SOX5: variants seen among roughly 807,000 people sequenced by gnomAD.
SOX5 encodes the protein SRY-box transcription factor 5, also known as transcription factor SOX-5.
A neutral mutation model predicts 92.0 loss-of-function variants in SOX5; 9 were observed. That is an observed-to-expected ratio of 0.10 (90% CI 0.06 to 0.17). SOX5 has a LOEUF of 0.17. Among genes scored for constraint, SOX5 ranks in the 10% least tolerant of loss-of-function variants. SOX5 has a pLI of 1.00. For synonymous variants in SOX5, 344 were observed against 336.3 expected (o/e 1.02, Z -0.25); for missense variants, 642 against 944.5 (o/e 0.68, Z 4.20).
intron 3 of SOX5, among the ~76,000 whole-genome samples, chr12:24,214,099 A>G (rs1420314457): frequency 6.6e-6 from 1 of 152,142 alleles, no homozygotes; most frequent in East Asian, 1.9e-4. Flanking sequence ...TTTATGAAAT[A>G]AAATTTATAG....
intron 1 of SOX5, among the ~76,000 whole-genome samples, chr12:23,916,610 T>C (rs1043154534): frequency 2.0e-5 from 3 of 152,122 alleles, no homozygotes. Flanking sequence ...TAAGAAACAA[T>C]AAAGAACTAT....
At chr12:23,582,575 C>T (rs1950196185) in intron 9 of SOX5, among the ~76,000 whole-genome samples, 1 of 152,062 alleles carries the variant, frequency 6.6e-6, no homozygotes, top group African/African-American at 2.4e-5. Context: ...CAGTTGCTTA[C>T]TTTTAGACTT....
chr12:24,043,763 G>C (rs1041939739), intron 4 of SOX5, among the ~76,000 whole-genome samples: 1 of 152,158 alleles, frequency 6.6e-6, no homozygotes, highest in Non-Finnish European at 1.5e-5. Flanking sequence ...GTAAATATAA[G>C]ATATAGCTAC....
chr12:24,019,933 C>T (rs935210765), intron 4 of SOX5, among the ~76,000 whole-genome samples: 5 of 152,162 alleles, frequency 3.3e-5, no homozygotes, highest in African/African-American at 9.7e-5. Flanking sequence ...ATTACTAAAA[C>T]CTCACGTGGA....
At chr12:24,272,974 G>A (rs957102180) in intron 3 of SOX5, among the ~76,000 whole-genome samples, 8 of 152,060 alleles carry the variant, frequency 5.3e-5, no homozygotes, top group Admixed American at 4.6e-4. Flanking sequence ...GGCTCACGCC[G>A]GTAATCCCAG....
chr12:23,953,446 C>T (rs989784088), upstream of SOX5, among the ~76,000 whole-genome samples: 3 of 151,996 alleles, frequency 2.0e-5, no homozygotes, highest in African/African-American at 4.8e-5. Context: ...CAACTAATAC[C>T]GCAATGTGAT....
At chr12:23,700,944 T>C (rs1357207917) in intron 6 of SOX5, among the ~76,000 whole-genome samples, 1 of 151,606 alleles carries the variant, frequency 6.6e-6, no homozygotes, top group African/African-American at 2.4e-5. Flanking sequence ...TATACATGTA[T>C]AAATATATAT....
intron 4 of SOX5, among the ~76,000 whole-genome samples, chr12:24,173,061 A>C (rs1181665256): frequency 6.6e-6 from 1 of 152,230 alleles, no homozygotes; most frequent in Non-Finnish European, 1.5e-5. Flanking sequence ...TAGAGAGATT[A>C]GGAAGTTGAA....
intron 1 of SOX5, among the ~76,000 whole-genome samples, chr12:24,370,956 A>G (rs1956676999): frequency 6.6e-6 from 1 of 152,222 alleles, no homozygotes; most frequent in East Asian, 1.9e-4. Context: ...AACACCCCAA[A>G]GATCCTACTG....
intron 4 of SOX5, among the ~76,000 whole-genome samples, chr12:24,058,600 C>T (rs577086664): frequency 2.4e-4 from 37 of 152,196 alleles, no homozygotes; most frequent in African/African-American, 8.9e-4. Context: ...AGTGTTATTA[C>T]TTTTGCAAAG....
In SOX5 at chr12:23,533,537, T is replaced by TA. The variant is rs750029215; in HGVS notation, c.*681dup. ...AAGATGTAGTGTGGTGTGCAATAGATAAAGTCCTCTAAAGAAAATAATTGC... is the reference window on the plus strand; with the variant it reads ...AAGATGTAGTGTGGTGTGCAATAGATAAAAGTCCTCTAAAGAAAATAATTGC... On this transcript the variant is annotated 3_prime_UTR_variant, in exon 15 of 15. Transcript: ENST00000451604. The TA allele has an allele frequency of 1.9e-5, 3 of 157,062 alleles. No individual in the cohort carries two copies. Among genetic ancestry groups the TA allele is most frequent in the Non-Finnish European group, 4.2e-5 (3 of 70,854 alleles). 9.7% of individuals were successfully genotyped at this position (157,062 alleles called of 1,614,324 possible). A position where few individuals can be genotyped will look rare whatever the true frequency, so the allele number is the denominator to read the frequency against.
At chr12:24,322,857 T>A (rs537398835) in intron 2 of SOX5, among the ~76,000 whole-genome samples, 1 of 152,034 alleles carries the variant, frequency 6.6e-6, no homozygotes, top group African/African-American at 2.4e-5. Context: ...TTTTAAATAA[T>A]CTCCCAACAT....
chr12:23,704,687 CATATATATATAT>C (rs376550773), intron 6 of SOX5, among the ~76,000 whole-genome samples: 1,450 of 90,062 alleles, frequency 0.016, 51 homozygotes, highest in Non-Finnish European at 0.023. Context: ...TATATGCATG[CATATATATATAT>C]ATATATATAT....
intron 4 of SOX5, among the ~76,000 whole-genome samples, chr12:24,062,485 A>G (rs1939919879): frequency 1.3e-5 from 2 of 152,324 alleles, no homozygotes; most frequent in South Asian, 4.1e-4. Context: ...GGACTGATGA[A>G]GGAATATATT....
At chr12:23,632,265 A>G (rs542824962) in intron 8 of SOX5, 27 of 152,290 alleles carry the variant, frequency 1.8e-4, no homozygotes, top group Non-Finnish European at 3.2e-4. Flanking sequence ...AAACTCACTC[A>G]TGCAGACAGA....
chr12:23,939,475 A>G (rs1405242589), intron 1 of SOX5, among the ~76,000 whole-genome samples: 2 of 151,034 alleles, frequency 1.3e-5, no homozygotes, highest in Admixed American at 1.3e-4. Context: ...AAAAAAATCT[A>G]CATCATAATT....
At chr12:23,951,412 G>C (rs186944608), upstream of SOX5, among the ~76,000 whole-genome samples, 518 of 151,610 alleles carry the variant, frequency 3.4e-3, 15 homozygotes, top group Admixed American at 0.032. Flanking sequence ...AAACCACAAG[G>C]GTTGACCCCA....
Position 24,323,312 on chromosome 12 carries a change from T to C in SOX5, c.-174+45251A>G, listed in dbSNP as rs138167148. Among the ~76,000 whole-genome samples the C allele has an allele frequency of 4.2e-3, 624 of 149,426 alleles. 4 individuals are homozygous for C. The highest frequency in any genetic ancestry group is 0.015 in the African/African-American group (604 of 40,556). ...ATGTAGCTGATTATATATATATGTA[T>C]ATATATATATGCACATATATAACAT... On this transcript the variant is annotated intron_variant, in intron 2 of 4. Transcript: ENST00000446891.
chr12:23,640,445 T>C (rs10842198), intron 8 of SOX5, among the ~76,000 whole-genome samples: 25,888 of 152,140 alleles, frequency 0.17, 2,395 homozygotes, highest in South Asian at 0.28. Context: ...AAATGCATTT[T>C]TGTTAAGTCG....
Sources: allele counts gnomAD v4.1 joint callset (sites outside exome capture counted in the v4.1 genomes callset), GRCh38; gene constraint gnomAD v4.1.1; transcripts MANE v1.5; gene names NCBI Gene and HGNC (gene_info 2026-07-23, HGNC 2026-07-21).